The following TPST1 variants were observed in gnomAD, a reference collection of about 807,000 sequenced individuals.
TPST1 encodes the protein tyrosylprotein sulfotransferase 1, also known as protein-tyrosine sulfotransferase 1.
Under a neutral mutation model 34.8 loss-of-function variants are expected in TPST1, and 20 were observed. The ratio of observed to expected loss-of-function variants is 0.57; its 90% CI spans 0.40 to 0.84. The LOEUF is 0.84. Ranked by LOEUF, TPST1 falls within the 40% of genes least tolerant of loss-of-function variation. The probability of loss-of-function intolerance (pLI) is 0.00; values close to 1 mark genes in which losing one functional copy is unlikely to be tolerated. For missense variants in TPST1, 353 were observed against 455.5 expected (o/e 0.78, Z 2.05); for synonymous variants, 152 against 159.4 (o/e 0.95, Z 0.35).
At chr7:66,349,028 T>A (rs922479129) in intron 3 of TPST1, among the ~76,000 whole-genome samples, 4 of 152,210 alleles carry the variant, frequency 2.6e-5, no homozygotes, top group Non-Finnish European at 4.4e-5. Context: ...TATTTCCTGT[T>A]ATGCCTTATG....
intron 3 of TPST1, among the ~76,000 whole-genome samples, chr7:66,317,621 C>G (rs1791661378): frequency 6.6e-6 from 1 of 151,474 alleles, no homozygotes; most frequent in South Asian, 2.1e-4. Context: ...TTTTAATATC[C>G]TATAGTCAGA....
chr7:66,264,419 G>T (rs1191270676), intron 2 of TPST1, among the ~76,000 whole-genome samples: 4 of 152,192 alleles, frequency 2.6e-5, no homozygotes, highest in African/African-American at 9.6e-5. Context: ...AAAGCAGGAA[G>T]TGAAGCCTAA....
intron 3 of TPST1, among the ~76,000 whole-genome samples, chr7:66,300,068 TA>T (rs527463876): frequency 2.9e-4 from 44 of 149,168 alleles, no homozygotes; most frequent in African/African-American, 8.3e-4. Flanking sequence ...ACTTTATTGC[TA>T]AAAAAAAAAT....
intron 1 of TPST1, among the ~76,000 whole-genome samples, chr7:66,230,426 G>T (rs1789756998): frequency 6.6e-6 from 1 of 152,238 alleles, no homozygotes; most frequent in Non-Finnish European, 1.5e-5. Flanking sequence ...AAGGTGGTGC[G>T]TCTGGAGTTT....
chr7:66,213,480 G>C (rs1789308721), intron 1 of TPST1, among the ~76,000 whole-genome samples: 7 of 152,166 alleles, frequency 4.6e-5, no homozygotes, highest in Admixed American at 3.9e-4. Context: ...AATAGGCTGG[G>C]CGCGGTGGCT....
At chr7:66,266,351 C>A (rs1350570775) in intron 2 of TPST1, among the ~76,000 whole-genome samples, 1 of 151,634 alleles carries the variant, frequency 6.6e-6, no homozygotes, top group African/African-American at 2.4e-5. Context: ...TGAGATACCC[C>A]TCTATATTCA....
intron 1 of TPST1, among the ~76,000 whole-genome samples, chr7:66,218,126 G>A (rs751349760): frequency 2.6e-5 from 4 of 152,076 alleles, no homozygotes; most frequent in Non-Finnish European, 5.9e-5. Flanking sequence ...TGATCTGCCC[G>A]CCTTGGCCTC....
At chr7:66,309,546 C>A (rs572884468) in intron 3 of TPST1, among the ~76,000 whole-genome samples, 9 of 152,048 alleles carry the variant, frequency 5.9e-5, no homozygotes, top group Non-Finnish European at 1.2e-4. Context: ...AGGAACCTGA[C>A]CCAACACAGG....
chr7:66,201,381 CA>C (rs138553925), upstream of TPST1, among the ~76,000 whole-genome samples: 1,249 of 73,506 alleles, frequency 0.017, 13 homozygotes, highest in African/African-American at 0.045. Context: ...CCATCTCTAC[CA>C]AAAAAAAAAA....
chr7:66,219,155 C>G (rs1789488192), intron 1 of TPST1, among the ~76,000 whole-genome samples: 1 of 151,338 alleles, frequency 6.6e-6, no homozygotes, highest in Non-Finnish European at 1.5e-5. Flanking sequence ...GCTTCAGCCT[C>G]CCAGAGTGCT....
the TPST1 span, among the ~76,000 whole-genome samples, chr7:66,199,085 G>A: frequency 6.6e-6 from 1 of 152,040 alleles, no homozygotes; most frequent in African/African-American, 2.4e-5. Context: ...AGTCTCCCTG[G>A]CCTTTCCTGG....
At chr7:66,300,041 A>G (rs1360021336) in intron 3 of TPST1, among the ~76,000 whole-genome samples, 1 of 152,152 alleles carries the variant, frequency 6.6e-6, no homozygotes, top group Non-Finnish European at 1.5e-5. Context: ...CACAATGCAT[A>G]TGCCTTAATT....
At chr7:66,260,316 T>G (rs1232302551) in intron 2 of TPST1, among the ~76,000 whole-genome samples, 2 of 152,246 alleles carry the variant, frequency 1.3e-5, no homozygotes, top group African/African-American at 4.8e-5. Context: ...TTGAATAATT[T>G]TGTTAATGAA....
Position 66,352,641 on chromosome 7 carries a change from AAGAC to A in TPST1, c.1095+90_1095+93del, listed in dbSNP as rs1792505410. ...TTTTTAAAGAGATAATGAAATTAAA[AAGAC>A]AGAAACAAGAAAACCAAAAAGAAAA... On this transcript the variant is annotated intron_variant, in intron 4 of 5. Transcript: ENST00000304842. 2.5e-5 allele frequency: 39 copies of A among 1,569,664 alleles called. No individual in the cohort carries two copies. The East Asian group carries it at 8.7e-4, about 35-fold the overall frequency.
At position 66,217,382 on chromosome 7, in the gene TPST1, T is replaced by G. The variant is rs191521562; in HGVS notation, c.-102+11860T>G. Among the ~76,000 whole-genome samples, 65 of 152,318 alleles carry G rather than the reference T, an allele frequency of 4.3e-4. No homozygotes were observed. The East Asian group carries it at 9.3e-3, about 22-fold the overall frequency. ...TTTTAGGGCTCTGTTGTTATTTGCA[T>G]ATATGTTTATAATTGTATTTTTTTG... On this transcript the variant is annotated intron_variant, in intron 1 of 5. Coordinates refer to ENST00000304842, the MANE Select transcript of TPST1 (RefSeq NM_003596.4).
At chr7:66,243,063 C>T (rs1033429491) in intron 2 of TPST1, among the ~76,000 whole-genome samples, 3 of 151,878 alleles carry the variant, frequency 2.0e-5, no homozygotes, top group African/African-American at 7.3e-5. Flanking sequence ...TTGCTAAGAA[C>T]GTTCTTGTAC....
chr7:66,241,214 C>CT lies in TPST1; in HGVS notation c.790dup (p.Ser264PhefsTer6). 6.2e-7 allele frequency: 1 copy of CT among 1,614,160 alleles called. No homozygotes were observed. Among genetic ancestry groups the CT allele is most frequent in the Non-Finnish European group, 8.5e-7 (1 of 1,180,014 alleles). ...AGTTCCTCCAGATTCCATGGAACCACTCAGTATTGCACCATGAAGAGATGA... is the reference window on the plus strand; with the variant it reads ...AGTTCCTCCAGATTCCATGGAACCACTTCAGTATTGCACCATGAAGAGATGA... On this transcript the variant is annotated frameshift_variant, in exon 2 of 6. Coordinates refer to ENST00000304842, the MANE Select transcript of TPST1 (RefSeq NM_003596.4). LOFTEE classifies it high-confidence loss of function.
chr7:66,295,485 A>T (rs974496371), intron 3 of TPST1, among the ~76,000 whole-genome samples: 1 of 152,204 alleles, frequency 6.6e-6, no homozygotes, highest in Non-Finnish European at 1.5e-5. Flanking sequence ...ATGGAGCGAG[A>T]TCCTGTCTCA....
chr7:66,231,421 T>C (rs1789789551), intron 1 of TPST1, among the ~76,000 whole-genome samples: 1 of 152,096 alleles, frequency 6.6e-6, no homozygotes, highest in African/African-American at 2.4e-5. Flanking sequence ...GTGGCACTTG[T>C]CAGGGAAGCT....
Sources: allele counts gnomAD v4.1 joint callset (sites outside exome capture counted in the v4.1 genomes callset), GRCh38; gene constraint gnomAD v4.1.1; transcripts MANE v1.5; gene names NCBI Gene and HGNC (gene_info 2026-07-23, HGNC 2026-07-21).